Variants in GRPR observed in about 807,000 individuals in gnomAD.
GRPR encodes gastrin-releasing peptide receptor.
A neutral mutation model predicts 15.6 loss-of-function variants in GRPR; 4 were observed. That is an observed-to-expected ratio of 0.26 (90% CI 0.13 to 0.59). The LOEUF is 0.59. GRPR is among the 20% of genes least tolerant of loss of function. The pLI, the probability that GRPR is intolerant of heterozygous loss-of-function variation, is 0.90. For missense variants in GRPR, 270 were observed against 304.1 expected (o/e 0.89, Z 0.83); for synonymous variants, 128 against 126.8 (o/e 1.01, Z -0.06).
intron 1 of GRPR, among the ~76,000 whole-genome samples, chrX:16,138,768 C>T (rs1158854617): frequency 8.9e-6 from 1 of 111,782 alleles, no homozygotes; most frequent in African/African-American, 3.3e-5. Flanking sequence ...TTTTAACCAT[C>T]TTTAAGTGTA....
At chrX:16,144,776 G>C (rs995084625) in intron 1 of GRPR, among the ~76,000 whole-genome samples, 1 of 112,083 alleles carries the variant, frequency 8.9e-6, no homozygotes, top group Non-Finnish European at 1.9e-5. Context: ...AAATTTGTCA[G>C]TCTATTGAAG....
chrX:16,137,136 C>T (rs1042164813), intron 1 of GRPR, among the ~76,000 whole-genome samples: 2 of 111,753 alleles, frequency 1.8e-5, no homozygotes, highest in African/African-American at 6.5e-5. Flanking sequence ...AGGCATACAT[C>T]TGTGTGATGC....
intron 1 of GRPR, among the ~76,000 whole-genome samples, chrX:16,142,606 A>G (rs983738275): frequency 3.6e-5 from 4 of 112,293 alleles, no homozygotes; most frequent in African/African-American, 6.5e-5. Context: ...TACCTAATAT[A>G]TTAGTACAGT....
rs954549273 is a variant in GRPR, at chrX:16,153,063, G to C, written c.*418G>C. On this transcript the variant is annotated 3_prime_UTR_variant, in exon 3 of 3. Transcript: ENST00000380289. ...TTGTCATTTCTTTAAGCAGACGCTA[G>C]TACTTTAGAAATATAACTTGACTCT... 1.3e-5 allele frequency: 2 copies of C among 159,118 alleles called. No homozygotes were observed. Among genetic ancestry groups the C allele is most frequent in the South Asian group, 3.3e-4 (2 of 6,003 alleles). The allele number at this position is 159,118 out of a possible 1,213,427, so 13.1% of individuals were successfully genotyped here.
chrX:16,132,999 A>G (rs1209539225), intron 1 of GRPR, among the ~76,000 whole-genome samples: 1 of 112,118 alleles, frequency 8.9e-6, no homozygotes. Context: ...TTTCTGCCCT[A>G]TAAACACAGA....
chrX:16,126,277 A>G (rs1474565839), intron 1 of GRPR, among the ~76,000 whole-genome samples: 1 of 112,254 alleles, frequency 8.9e-6, no homozygotes, highest in Non-Finnish European at 1.9e-5. Context: ...CTGATGGATC[A>G]CCTGAATCAC....
At chrX:16,138,378 C>T (rs1922479650) in intron 1 of GRPR, among the ~76,000 whole-genome samples, 1 of 111,893 alleles carries the variant, frequency 8.9e-6, no homozygotes, top group Non-Finnish European at 1.9e-5. Flanking sequence ...ATTGTATGCT[C>T]TCAATTCTGT....
chrX:16,136,090 C>G (rs1482630604), intron 1 of GRPR, among the ~76,000 whole-genome samples: 1 of 111,961 alleles, frequency 8.9e-6, no homozygotes, highest in Non-Finnish European at 1.9e-5. Context: ...ATAAAAATCT[C>G]TGCTGACTTG....
At chrX:16,132,689 A>G (rs1225951821) in intron 1 of GRPR, among the ~76,000 whole-genome samples, 1 of 109,803 alleles carries the variant, frequency 9.1e-6, no homozygotes, top group Non-Finnish European at 1.9e-5. Flanking sequence ...CTTTCTTTCA[A>G]CTTCATATCT....
chrX:16,142,976 C>T (rs1361619442), intron 1 of GRPR, among the ~76,000 whole-genome samples: 1 of 110,571 alleles, frequency 9.0e-6, no homozygotes, highest in Non-Finnish European at 1.9e-5. Context: ...CTCAAGTTTC[C>T]TTTCTTTTTC....
chrX:16,145,032 A>G (rs1922584373), intron 1 of GRPR, among the ~76,000 whole-genome samples: 1 of 111,917 alleles, frequency 8.9e-6, no homozygotes, highest in Non-Finnish European at 1.9e-5. Flanking sequence ...AGAAAAAGTC[A>G]GGTAGAAAAG....
chrX:16,130,685 G>A (rs1169170844), intron 1 of GRPR, among the ~76,000 whole-genome samples: 1 of 112,577 alleles, frequency 8.9e-6, no homozygotes, highest in Non-Finnish European at 1.9e-5. Flanking sequence ...AAGGAGATTG[G>A]CCCCTTTCTC....
At position 16,123,792 on chromosome X, in the gene GRPR, G is replaced by A; in HGVS notation, c.-162G>A. ...GCACCAGTGTCAAAATAGTGACAGA[G>A]AGTTTTGAATACCATAGTTAGTATA... On this transcript the variant is annotated 5_prime_UTR_variant, in exon 1 of 3. Coordinates refer to ENST00000380289, the MANE Select transcript of GRPR (RefSeq NM_005314.3). The A allele has an allele frequency of 2.0e-6, 1 of 500,014 alleles. No individual in the cohort carries two copies. The highest frequency in any genetic ancestry group is 3.5e-6 in the Non-Finnish European group (1 of 285,245). The allele number at this position is 500,014 out of a possible 1,213,427, so 41.2% of individuals were successfully genotyped here.
chrX:16,135,693 A>T lies in GRPR; in HGVS notation c.413+11327A>T, dbSNP rs181423940. On this transcript the variant is annotated intron_variant, in intron 1 of 2. Coordinates refer to ENST00000380289, the MANE Select transcript of GRPR (RefSeq NM_005314.3). ...TTCATATTAGCCACAGGCCTCTGTT[A>T]TGAGAAATACTTTAAATACAATCTT... Among the ~76,000 whole-genome samples, 5 of 112,336 alleles carry T rather than the reference A, an allele frequency of 4.5e-5. No homozygotes were observed. The East Asian group carries it at 1.4e-3, about 31-fold the overall frequency.
intron 1 of GRPR, among the ~76,000 whole-genome samples, chrX:16,130,347 A>G (rs1253274861): frequency 8.9e-6 from 1 of 112,320 alleles, no homozygotes; most frequent in African/African-American, 3.2e-5. Flanking sequence ...TGAAGTTCAC[A>G]CCCTTGTTTG....
intron 1 of GRPR, among the ~76,000 whole-genome samples, chrX:16,132,562 C>T (rs1922393466): frequency 9.0e-6 from 1 of 111,389 alleles, no homozygotes; most frequent in Non-Finnish European, 1.9e-5. Flanking sequence ...CATTTGTCTC[C>T]CTTTAAAATG....
chrX:16,125,329 C>T lies in GRPR; in HGVS notation c.413+963C>T, dbSNP rs759164609. ...GTACTTCTGTGTTCTGGAAATTGGA[C>T]ATAGTAATGAATAGACTTTCAGACA... On this transcript the variant is annotated intron_variant, in intron 1 of 2. Coordinates refer to ENST00000380289, the MANE Select transcript of GRPR (RefSeq NM_005314.3). Among the ~76,000 whole-genome samples the T allele has an allele frequency of 2.7e-5, 3 of 112,489 alleles. No individual in the cohort carries two copies. The South Asian group carries it at 1.1e-3, about 41-fold the overall frequency.
intron 1 of GRPR, among the ~76,000 whole-genome samples, chrX:16,141,509 G>C (rs1467477821): frequency 8.9e-6 from 1 of 112,055 alleles, no homozygotes; most frequent in Non-Finnish European, 1.9e-5. Flanking sequence ...GTCTCACTCA[G>C]ATGACCACTG....
chrX:16,128,051 G>C lies in GRPR; in HGVS notation c.413+3685G>C, dbSNP rs779847859. Among the ~76,000 whole-genome samples, 19 of 112,176 alleles carry C rather than the reference G, an allele frequency of 1.7e-4. No homozygotes were observed. The East Asian group carries it at 5.0e-3, about 30-fold the overall frequency. ...GATTATTAAGAATGTTGAAGGCAGA[G>C]ATTTTCAATATATTCTTAAATCTTC... On this transcript the variant is annotated intron_variant, in intron 1 of 2. Coordinates refer to ENST00000380289, the MANE Select transcript of GRPR (RefSeq NM_005314.3).
Sources: gnomAD v4.1 joint callset for allele counts (sites outside exome capture counted in the v4.1 genomes callset) on GRCh38, gnomAD v4.1.1 for gene constraint, MANE v1.5 for transcripts, NCBI Gene and HGNC (gene_info 2026-07-23, HGNC 2026-07-21) for gene names.